GADL1: variants seen among roughly 807,000 people sequenced by gnomAD.
GADL1 encodes acidic amino acid decarboxylase GADL1.
GADL1 carries 71 observed loss-of-function variants against 69.5 expected under a neutral mutation model. The ratio of observed to expected loss-of-function variants is 1.02; its 90% CI spans 0.84 to 1.25. The LOEUF (loss-of-function observed/expected upper bound fraction) is 1.25, where lower values mean the gene tolerates loss of function less well. Among genes scored for constraint, GADL1 ranks in the 50% most tolerant of loss-of-function variants. The pLI, the probability that GADL1 is intolerant of heterozygous loss-of-function variation, is 0.00. For missense variants in GADL1, 737 were observed against 631.8 expected (o/e 1.17, Z -1.79); for synonymous variants, 254 against 214.4 (o/e 1.18, Z -1.62).
chr3:30,770,127 C>T (rs920357893), intron 14 of GADL1, among the ~76,000 whole-genome samples: 1 of 152,156 alleles, frequency 6.6e-6, no homozygotes, highest in Non-Finnish European at 1.5e-5. Context: ...GACCAATATA[C>T]TTCAGTGTAT....
chr3:30,761,297 TC>T (rs1477153665), intron 14 of GADL1, among the ~76,000 whole-genome samples: 2 of 147,752 alleles, frequency 1.4e-5, no homozygotes, highest in East Asian at 2.0e-4. Context: ...TCAGAGCTCC[TC>T]AACAAGCTAA....
At chr3:30,821,587 A>G (rs1301181576) in intron 11 of GADL1, among the ~76,000 whole-genome samples, 1 of 152,028 alleles carries the variant, frequency 6.6e-6, no homozygotes, top group Non-Finnish European at 1.5e-5. Context: ...AATAAATATT[A>G]CTAGGTTGGA....
chr3:30,777,330 C>A (rs1696561286), intron 14 of GADL1, among the ~76,000 whole-genome samples: 1 of 152,084 alleles, frequency 6.6e-6, no homozygotes, highest in African/African-American at 2.4e-5. Flanking sequence ...GTCATAAAGT[C>A]AGCTGTGCTG....
At chr3:30,828,478 G>GC in intron 11 of GADL1, among the ~76,000 whole-genome samples, 1 of 88,300 alleles carries the variant, frequency 1.1e-5, no homozygotes, top group Non-Finnish European at 3.0e-5. Flanking sequence ...AAAAATAAAA[G>GC]TGGGGGGGGT....
intron 12 of GADL1, among the ~76,000 whole-genome samples, chr3:30,794,483 G>A (rs1696988602): frequency 6.6e-6 from 1 of 152,152 alleles, no homozygotes; most frequent in African/African-American, 2.4e-5. Context: ...CACTGGCTTT[G>A]TGCCATAGTG....
intron 6 of GADL1, among the ~76,000 whole-genome samples, chr3:30,848,999 G>A (rs1428143256): frequency 6.6e-6 from 1 of 152,132 alleles, no homozygotes; most frequent in Non-Finnish European, 1.5e-5. Flanking sequence ...ATGGGATTTT[G>A]CCAAGAAAAT....
intron 13 of GADL1, among the ~76,000 whole-genome samples, chr3:30,785,406 CAG>C (rs1033549007): frequency 2.8e-5 from 4 of 144,998 alleles, no homozygotes; most frequent in Non-Finnish European, 6.0e-5. Flanking sequence ...CCCCCCGAGA[CAG>C]AGTTTCACTC....
At position 30,752,818 on chromosome 3, in the gene GADL1, CAAG is replaced by C. The variant is rs1186578575; in HGVS notation, c.1393-24406_1393-24404del. ...TAAAACAATCTAGGCTGCTGGAAGA[CAAG>C]AGTTTTCTATTTAAGTTAACAAGAT... On this transcript the variant is annotated intron_variant, in intron 14 of 14. Transcript: ENST00000282538. 2.9e-5 allele frequency among the ~76,000 whole-genome samples: 3 copies of C among 104,222 alleles called. No individual in the cohort carries two copies. In the East Asian group the frequency reaches 8.2e-4, roughly 28 times the overall value. The allele number at this position is 104,222 out of a possible 152,430, so 68.4% of individuals were successfully genotyped here.
At chr3:30,828,260 C>G (rs1697716585) in intron 11 of GADL1, among the ~76,000 whole-genome samples, 1 of 151,872 alleles carries the variant, frequency 6.6e-6, no homozygotes, top group Non-Finnish European at 1.5e-5. Context: ...TAATATCAAT[C>G]ATTCAGAACA....
chr3:30,757,724 T>C (rs1254749509), intron 14 of GADL1, among the ~76,000 whole-genome samples: 1 of 152,146 alleles, frequency 6.6e-6, no homozygotes, highest in Non-Finnish European at 1.5e-5. Context: ...ATCACAAGAA[T>C]TTGAAGGAGT....
At chr3:30,833,491 CAGTG>C (rs200189178) in intron 11 of GADL1, among the ~76,000 whole-genome samples, 3,558 of 152,094 alleles carry the variant, frequency 0.023, 57 homozygotes, top group Non-Finnish European at 0.032. Context: ...TCCACTTTCT[CAGTG>C]AGCAGAAGTT....
chr3:30,745,968 G>GCTC (rs1307162773), intron 14 of GADL1, among the ~76,000 whole-genome samples: 8 of 101,100 alleles, frequency 7.9e-5, no homozygotes, highest in Admixed American at 5.8e-4. Flanking sequence ...CACCCCTCCT[G>GCTC]CTCCTCCTCC....
chr3:30,782,925 T>C (rs76797801), intron 13 of GADL1, among the ~76,000 whole-genome samples: 2,496 of 152,314 alleles, frequency 0.016, 71 homozygotes, highest in African/African-American at 0.058. Flanking sequence ...GAGGTAGTTA[T>C]ATAGTTTTAT....
intron 6 of GADL1, 75 bp downstream of exon 6, chr3:30,849,921 A>G: frequency 1.2e-6 from 1 of 845,132 alleles, no homozygotes; most frequent in East Asian, 2.5e-5. Context: ...AAATCACATC[A>G]GGAATCTTCA....
intron 2 of GADL1, among the ~76,000 whole-genome samples, chr3:30,860,900 A>G (rs1698309957): frequency 6.6e-6 from 1 of 151,938 alleles, no homozygotes; most frequent in African/African-American, 2.4e-5. Context: ...TTTCTTTCCC[A>G]GCTCTAAAAT....
chr3:30,767,767 G>A (rs531490816), intron 14 of GADL1, among the ~76,000 whole-genome samples: 6 of 152,020 alleles, frequency 3.9e-5, no homozygotes, highest in Non-Finnish European at 5.9e-5. Flanking sequence ...TTTTTTCATC[G>A]TACAGAAGAC....
At chr3:30,867,640 G>A (rs1356902079) in intron 1 of GADL1, among the ~76,000 whole-genome samples, 14 of 151,790 alleles carry the variant, frequency 9.2e-5, no homozygotes, top group Admixed American at 9.2e-4. Flanking sequence ...AGTGAGTAGT[G>A]AAACTGAGGT....
At chr3:30,751,959 AAGAAC>A (rs759104338) in intron 14 of GADL1, among the ~76,000 whole-genome samples, 74 of 151,816 alleles carry the variant, frequency 4.9e-4, no homozygotes, top group Admixed American at 1.0e-3. Flanking sequence ...TGAAGATGAA[AAGAAC>A]AACAGCAAAG....
intron 14 of GADL1, among the ~76,000 whole-genome samples, chr3:30,738,946 G>A (rs1575179018): frequency 6.6e-6 from 1 of 152,224 alleles, no homozygotes; most frequent in South Asian, 2.1e-4. Context: ...TTGGCATTGG[G>A]AAATTAGCAG....
Sources: gnomAD v4.1 joint callset for allele counts (sites outside exome capture counted in the v4.1 genomes callset) on GRCh38, gnomAD v4.1.1 for gene constraint, MANE v1.5 for transcripts, NCBI Gene and HGNC (gene_info 2026-07-23, HGNC 2026-07-21) for gene names.